The following CCDC171 variants were observed in gnomAD, a reference collection of about 807,000 sequenced individuals.
The protein encoded by CCDC171 is coiled-coil domain containing 171.
A neutral mutation model predicts 168.2 loss-of-function variants in CCDC171; 177 were observed. That is an observed-to-expected ratio of 1.05 (90% CI 0.93 to 1.19). The LOEUF (loss-of-function observed/expected upper bound fraction) is 1.19. Among genes scored for constraint, CCDC171 ranks in the 50% most tolerant of loss-of-function variants. The pLI, the probability that CCDC171 is intolerant of heterozygous loss-of-function variation, is 0.00. For missense variants in CCDC171, 1,991 were observed against 1,539.0 expected (o/e 1.29, Z -4.91); for synonymous variants, 687 against 540.8 (o/e 1.27, Z -3.75).
chr9:15,748,966 A>G (rs1197625736), intron 18 of CCDC171, among the ~76,000 whole-genome samples: 1 of 152,204 alleles, frequency 6.6e-6, no homozygotes, highest in Non-Finnish European at 1.5e-5. Context: ...ACATATAACA[A>G]TATTAACCTT....
intron 9 of CCDC171, among the ~76,000 whole-genome samples, chr9:15,667,960 C>T (rs552844005): frequency 6.6e-6 from 1 of 152,222 alleles, no homozygotes; most frequent in African/African-American, 2.4e-5. Flanking sequence ...ACATTTAATA[C>T]ATTTGAATGT....
At chr9:16,052,428 C>G (rs1045304627) in intron 1 of CCDC171, among the ~76,000 whole-genome samples, 1 of 152,172 alleles carries the variant, frequency 6.6e-6, no homozygotes, top group South Asian at 2.1e-4. Context: ...GCCCAAGATA[C>G]CCCTGGGTTA....
intron 2 of CCDC171, among the ~76,000 whole-genome samples, chr9:15,569,537 C>T (rs1178208519): frequency 1.3e-5 from 2 of 152,038 alleles, no homozygotes; most frequent in African/African-American, 4.8e-5. Context: ...ATTTTTCGGC[C>T]GGGCGCGGTG....
At chr9:15,974,375 G>A (rs535026520), downstream of CCDC171, among the ~76,000 whole-genome samples, 3 of 152,182 alleles carry the variant, frequency 2.0e-5, no homozygotes, top group South Asian at 2.1e-4. Context: ...CTGTTGTGTC[G>A]GCAAGGACAG....
At chr9:15,929,120 G>C (rs1826215561) in intron 25 of CCDC171, among the ~76,000 whole-genome samples, 1 of 151,360 alleles carries the variant, frequency 6.6e-6, no homozygotes, top group African/African-American at 2.4e-5. Flanking sequence ...TATTTATATA[G>C]TTCTATTCCA....
chr9:15,615,994 A>G (rs555295815), intron 6 of CCDC171, among the ~76,000 whole-genome samples: 2 of 152,134 alleles, frequency 1.3e-5, no homozygotes, highest in Non-Finnish European at 2.9e-5. Context: ...TCTGTCGCCC[A>G]GGCTGGAGTG....
At chr9:16,000,314 G>C (rs150796248) in intron 3 of CCDC171, among the ~76,000 whole-genome samples, 1 of 152,022 alleles carries the variant, frequency 6.6e-6, no homozygotes, top group South Asian at 2.1e-4. Flanking sequence ...CAAAAACAAG[G>C]GATTGACTTT....
intron 18 of CCDC171, among the ~76,000 whole-genome samples, chr9:15,765,761 G>C (rs1039712203): frequency 1.3e-5 from 2 of 152,088 alleles, no homozygotes; most frequent in South Asian, 2.1e-4. Context: ...ATCAGGGTGG[G>C]GGTTTGCCAG....
At chr9:16,068,497 A>G in the CCDC171 span, among the ~76,000 whole-genome samples, 1 of 152,162 alleles carries the variant, frequency 6.6e-6, no homozygotes, top group Non-Finnish European at 1.5e-5. Context: ...TCTCTTCAGT[A>G]TACTGTGATG....
At chr9:15,931,409 G>C (rs1370694619) in intron 25 of CCDC171, among the ~76,000 whole-genome samples, 2 of 138,870 alleles carry the variant, frequency 1.4e-5, no homozygotes, top group Non-Finnish European at 3.1e-5. Flanking sequence ...GTCTATTCAG[G>C]TCTTTTGCCT....
chr9:16,050,910 C>T (rs1324308137), intron 1 of CCDC171, among the ~76,000 whole-genome samples: 1 of 152,198 alleles, frequency 6.6e-6, no homozygotes, highest in Non-Finnish European at 1.5e-5. Context: ...CACACAATTA[C>T]CAACCATAGT....
the CCDC171 span, among the ~76,000 whole-genome samples, chr9:16,067,698 A>G: frequency 6.6e-6 from 1 of 152,188 alleles, no homozygotes; most frequent in Non-Finnish European, 1.5e-5. Flanking sequence ...CAGTTTTCCC[A>G]GCACCATTTA....
intron 23 of CCDC171, among the ~76,000 whole-genome samples, chr9:15,866,481 C>G (rs911124996): frequency 3.3e-5 from 5 of 151,864 alleles, no homozygotes; most frequent in Non-Finnish European, 7.4e-5. Context: ...GGATGATTCC[C>G]CTGATGGGGC....
At chr9:15,999,324 AAAG>A (rs752674524) in intron 3 of CCDC171, among the ~76,000 whole-genome samples, 187 of 150,832 alleles carry the variant, frequency 1.2e-3, no homozygotes, top group Middle Eastern at 3.4e-3. Context: ...AAAGAAAAGA[AAAG>A]AAGGAGGGAG....
chr9:15,742,948 A>T (rs2054986824), intron 16 of CCDC171, among the ~76,000 whole-genome samples: 1 of 151,634 alleles, frequency 6.6e-6, no homozygotes. Context: ...GATATTTTTA[A>T]ATTTTTTTTT....
chr9:15,857,130 C>G (rs1236619541), intron 23 of CCDC171, among the ~76,000 whole-genome samples: 1 of 151,964 alleles, frequency 6.6e-6, no homozygotes, highest in African/African-American at 2.4e-5. Flanking sequence ...TTAAAACCCT[C>G]ATGTGGTTTG....
the CCDC171 span, among the ~76,000 whole-genome samples, chr9:16,101,818 A>G: frequency 2.0e-5 from 3 of 152,178 alleles, no homozygotes; most frequent in Middle Eastern, 3.2e-3. Flanking sequence ...TCCATGCTGC[A>G]ATGAACTGGG....
the CCDC171 span, among the ~76,000 whole-genome samples, chr9:16,100,797 C>T: frequency 1.8e-4 from 28 of 152,236 alleles, no homozygotes; most frequent in Admixed American, 3.9e-4. Context: ...GCCTGTCAGG[C>T]GCCCCCCACC....
intron 10 of CCDC171, among the ~76,000 whole-genome samples, chr9:15,691,156 G>C (rs559279284): frequency 3.9e-5 from 6 of 151,964 alleles, no homozygotes; most frequent in Non-Finnish European, 5.9e-5. Context: ...GTATATTGTA[G>C]TGTCGTCACT....
Sources: gnomAD v4.1 joint callset for allele counts (sites outside exome capture counted in the v4.1 genomes callset) on GRCh38, gnomAD v4.1.1 for gene constraint, MANE v1.5 for transcripts, NCBI Gene and HGNC (gene_info 2026-07-23, HGNC 2026-07-21) for gene names.